Variants in DDAH1 observed in about 807,000 individuals in gnomAD.
DDAH1 encodes the protein N(G),N(G)-dimethylarginine dimethylaminohydrolase 1.
A neutral mutation model predicts 28.8 loss-of-function variants in DDAH1; 19 were observed. The ratio of observed to expected loss-of-function variants is 0.66; its 90% CI spans 0.46 to 0.97. DDAH1 has a LOEUF of 0.97. DDAH1 is among the 50% of genes least tolerant of loss of function. The pLI is 0.00. For synonymous variants in DDAH1, 153 were observed against 154.4 expected (o/e 0.99, Z 0.07); for missense variants, 326 against 375.9 (o/e 0.87, Z 1.10).
chr1:85,421,437 T>C (rs1405065950), intron 1 of DDAH1, among the ~76,000 whole-genome samples: 2 of 152,220 alleles, frequency 1.3e-5, no homozygotes, highest in Non-Finnish European at 2.9e-5. Context: ...CTACTTTCCA[T>C]TCTGGGACTC....
intron 4 of DDAH1, among the ~76,000 whole-genome samples, chr1:85,346,053 T>C (rs925547623): frequency 1.3e-5 from 2 of 152,198 alleles, no homozygotes; most frequent in Non-Finnish European, 2.9e-5. Flanking sequence ...CAAGAGTAGA[T>C]TGCAACCCAT....
chr1:85,424,929 CAAT>C (rs1653320730), intron 1 of DDAH1, among the ~76,000 whole-genome samples: 1 of 151,908 alleles, frequency 6.6e-6, no homozygotes, highest in African/African-American at 2.4e-5. Flanking sequence ...GTTATATAAA[CAAT>C]AATGAGAATG....
At chr1:85,393,967 T>G (rs969479440) in intron 1 of DDAH1, among the ~76,000 whole-genome samples, 1 of 152,220 alleles carries the variant, frequency 6.6e-6, no homozygotes, top group African/African-American at 2.4e-5. Context: ...GCTGTGTGTC[T>G]GTATGTCTAC....
chr1:85,409,505 C>T (rs1032789533), intron 1 of DDAH1, among the ~76,000 whole-genome samples: 2 of 152,186 alleles, frequency 1.3e-5, no homozygotes, highest in African/African-American at 4.8e-5. Flanking sequence ...CTAGTCACAT[C>T]AAACTTCCTA....
Position 85,457,479 on chromosome 1 carries a change from A to C in DDAH1, c.303+7264T>G, listed in dbSNP as rs111266562. The stretch of plus-strand genomic sequence containing the variant: ...CTGTGACATCCTCAGGGGCAGTGGA[A>C]GTGTCTAATTCATCTGTATCTCCCC... On this transcript the variant is annotated intron_variant, in intron 1 of 5. Transcript: ENST00000284031. 2.7e-3 allele frequency among the ~76,000 whole-genome samples: 406 copies of C among 152,220 alleles called. 5 individuals are homozygous for C. Among genetic ancestry groups the C allele is most frequent in the African/African-American group, 9.3e-3 (385 of 41,524 alleles).
rs1428690686 is a variant in DDAH1, at chr1:85,358,760, C to T, written c.391G>A (p.Val131Ile). 1 of 1,605,832 alleles carries T rather than the reference C, an allele frequency of 6.2e-7. No individual in the cohort carries two copies. Among genetic ancestry groups the T allele is most frequent in the Non-Finnish European group, 8.5e-7 (1 of 1,174,450 alleles). The change falls in exon 2 of 6, where the codon GTT becomes ATT. Residue 131 changes from valine to isoleucine, a missense_variant. Coordinates refer to ENST00000284031, the MANE Select transcript of DDAH1 (RefSeq NM_012137.4). ...DENATLDGGD[V>I]LFTGREFFVG... ...AATACAACTATACCTGTGAATAAAA[C>T]ATCTCCGCCATCTAAAGTTGCATTT...
chr1:85,480,844 G>A (rs1434410618), intron 2 of DDAH1, among the ~76,000 whole-genome samples: 2 of 151,702 alleles, frequency 1.3e-5, no homozygotes, highest in Non-Finnish European at 2.9e-5. Context: ...AATAAATCAA[G>A]GTATATCCAT....
intron 1 of DDAH1, among the ~76,000 whole-genome samples, chr1:85,527,126 T>C (rs1657899863): frequency 6.6e-6 from 1 of 152,244 alleles, no homozygotes; most frequent in Non-Finnish European, 1.5e-5. Context: ...CATACCAAGA[T>C]ATACAACCTA....
chr1:85,346,087 A>C (rs1287504924), intron 4 of DDAH1, among the ~76,000 whole-genome samples: 1 of 152,252 alleles, frequency 6.6e-6, no homozygotes, highest in Non-Finnish European at 1.5e-5. Context: ...AAATGCAATA[A>C]AACTACCCAG....
intron 1 of DDAH1, among the ~76,000 whole-genome samples, chr1:85,562,110 A>G (rs1041515905): frequency 5.0e-4 from 76 of 152,116 alleles, no homozygotes; most frequent in Admixed American, 5.9e-4. Context: ...TTAAGTTTGA[A>G]CCCCTTCTAA....
chr1:85,409,231 A>C (rs1486347847), intron 1 of DDAH1, among the ~76,000 whole-genome samples: 1 of 152,142 alleles, frequency 6.6e-6, no homozygotes, highest in Non-Finnish European at 1.5e-5. Flanking sequence ...AGGGAAGCCA[A>C]AAGATTGGAC....
intron 1 of DDAH1, among the ~76,000 whole-genome samples, chr1:85,463,192 T>C (rs1655202329): frequency 6.6e-6 from 1 of 152,204 alleles, no homozygotes. Context: ...TTAAAATGTA[T>C]GCTTCAAAAT....
intron 1 of DDAH1, among the ~76,000 whole-genome samples, chr1:85,435,982 G>A (rs985932948): frequency 1.2e-4 from 18 of 145,214 alleles, no homozygotes; most frequent in Admixed American, 4.2e-4. Flanking sequence ...GTGTGTGTGT[G>A]TAGAGATGGA....
intron 1 of DDAH1, among the ~76,000 whole-genome samples, chr1:85,395,385 C>T (rs541067525): frequency 6.6e-6 from 1 of 151,986 alleles, no homozygotes. Flanking sequence ...AATATGAAAA[C>T]GAGGAGATTG....
chr1:85,543,135 G>A (rs1433683325), intron 1 of DDAH1, among the ~76,000 whole-genome samples: 1 of 152,094 alleles, frequency 6.6e-6, no homozygotes, highest in African/African-American at 2.4e-5. Flanking sequence ...CCCAGGTTAT[G>A]TTCACAAGGA....
chr1:85,415,983 C>T (rs755448359), intron 1 of DDAH1, among the ~76,000 whole-genome samples: 5 of 151,944 alleles, frequency 3.3e-5, no homozygotes, highest in Non-Finnish European at 5.9e-5. Context: ...GAATTATCTA[C>T]TTATATAAAT....
chr1:85,404,414 C>T (rs1223934983), intron 1 of DDAH1: 2 of 1,534,876 alleles, frequency 1.3e-6, no homozygotes, highest in Non-Finnish European at 1.7e-6. Flanking sequence ...CCATCCAGAA[C>T]TGCTTTTGGG....
intron 1 of DDAH1, among the ~76,000 whole-genome samples, chr1:85,533,182 T>C (rs1270558547): frequency 6.6e-6 from 1 of 152,228 alleles, no homozygotes; most frequent in Non-Finnish European, 1.5e-5. Context: ...CACCAAGTAT[T>C]AATTTTCACC....
chr1:85,535,878 T>C (rs1267517805), intron 1 of DDAH1, among the ~76,000 whole-genome samples: 2 of 151,990 alleles, frequency 1.3e-5, no homozygotes, highest in Admixed American at 6.6e-5. Flanking sequence ...CAAAAGGCAT[T>C]AATAAACATT....
Sources: allele counts gnomAD v4.1 joint callset (sites outside exome capture counted in the v4.1 genomes callset), GRCh38; gene constraint gnomAD v4.1.1; transcripts MANE v1.5; gene names NCBI Gene and HGNC (gene_info 2026-07-23, HGNC 2026-07-21).